MAPK10: variants seen among roughly 807,000 people sequenced by gnomAD.
MAPK10 encodes mitogen-activated protein kinase 10, also known as JNK3 alpha protein kinase.
MAPK10 carries 25 observed loss-of-function variants against 59.3 expected under a neutral mutation model. The observed-to-expected ratio is 0.42, with a 90% CI of 0.31 to 0.59. MAPK10 has a LOEUF of 0.59. Ranked by LOEUF, MAPK10 falls within the 20% of genes least tolerant of loss-of-function variation. The pLI is 0.15. For missense variants in MAPK10, 351 were observed against 568.9 expected (o/e 0.62, Z 3.90); for synonymous variants, 190 against 200.5 (o/e 0.95, Z 0.44).
At chr4:86,239,025 A>G (rs1206983469) in intron 2 of MAPK10, among the ~76,000 whole-genome samples, 1 of 152,122 alleles carries the variant, frequency 6.6e-6, no homozygotes, top group African/African-American at 2.4e-5. Flanking sequence ...TGTTCCATAG[A>G]TATCTAGTTT....
chr4:86,070,136 A>G (rs942926314), intron 9 of MAPK10, among the ~76,000 whole-genome samples: 3 of 152,208 alleles, frequency 2.0e-5, no homozygotes, highest in African/African-American at 7.2e-5. Context: ...ATCATTGTCA[A>G]TGAAATAGTT....
intron 4 of MAPK10, chr4:86,152,729 G>T: frequency 6.6e-6 from 1 of 152,158 alleles, no homozygotes; most frequent in Non-Finnish European, 1.5e-5. Context: ...GCTCCTCTAA[G>T]CCTTGGTATT....
At chr4:86,565,271 C>A (rs1760980446) in intron 1 of MAPK10, among the ~76,000 whole-genome samples, 1 of 152,150 alleles carries the variant, frequency 6.6e-6, no homozygotes, top group Non-Finnish European at 1.5e-5. Context: ...TCCTCATTTC[C>A]TACTTTGCTC....
chr4:86,465,272 G>T (rs1434467825), intron 1 of MAPK10, among the ~76,000 whole-genome samples: 1 of 152,128 alleles, frequency 6.6e-6, no homozygotes, highest in East Asian at 1.9e-4. Context: ...TGGTGGTGAT[G>T]GGCATTCCAG....
At chr4:86,478,283 G>C (rs1489004078) in intron 1 of MAPK10, among the ~76,000 whole-genome samples, 3 of 152,242 alleles carry the variant, frequency 2.0e-5, no homozygotes, top group African/African-American at 4.8e-5. Flanking sequence ...CCCCACCCTA[G>C]CTTTCCCTGA....
chr4:86,234,557 AAAAT>A (rs1316875369), intron 2 of MAPK10, among the ~76,000 whole-genome samples: 1 of 152,116 alleles, frequency 6.6e-6, no homozygotes, highest in East Asian at 1.9e-4. Flanking sequence ...ATACTATATT[AAAAT>A]AAATGTCTTA....
chr4:86,048,755 G>T (rs1194513115), intron 11 of MAPK10, among the ~76,000 whole-genome samples: 1 of 152,028 alleles, frequency 6.6e-6, no homozygotes, highest in Non-Finnish European at 1.5e-5. Flanking sequence ...AAGGAAAATT[G>T]ATTTGAGTAT....
At chr4:86,130,804 T>C (rs1460692917) in intron 4 of MAPK10, among the ~76,000 whole-genome samples, 1 of 152,016 alleles carries the variant, frequency 6.6e-6, no homozygotes, top group African/African-American at 2.4e-5. Context: ...AGGAATGAAA[T>C]TGTCACTTAG....
intron 2 of MAPK10, among the ~76,000 whole-genome samples, chr4:86,208,443 G>A (rs376721340): frequency 0.032 from 4,481 of 139,408 alleles, 198 homozygotes; most frequent in African/African-American, 0.093. Flanking sequence ...ATATACGCAA[G>A]TCAATAAATG....
intron 11 of MAPK10, among the ~76,000 whole-genome samples, chr4:86,039,205 C>T (rs113822085): frequency 6.6e-6 from 1 of 152,136 alleles, no homozygotes; most frequent in African/African-American, 2.4e-5. Context: ...AATACCTTCA[C>T]AAAAGTGAAG....
At chr4:86,497,870 G>A (rs1371646117) in intron 1 of MAPK10, among the ~76,000 whole-genome samples, 1 of 152,184 alleles carries the variant, frequency 6.6e-6, no homozygotes, top group African/African-American at 2.4e-5. Context: ...ATTAGGAGCA[G>A]GGTTGATTAG....
At chr4:86,389,181 G>A (rs1579028926) in intron 1 of MAPK10, among the ~76,000 whole-genome samples, 1 of 151,914 alleles carries the variant, frequency 6.6e-6, no homozygotes, top group African/African-American at 2.4e-5. Context: ...CCACCCTCTT[G>A]CTCCTGCCCT....
chr4:86,229,935 C>A (rs2091292015), intron 2 of MAPK10, among the ~76,000 whole-genome samples: 1 of 152,070 alleles, frequency 6.6e-6, no homozygotes, highest in African/African-American at 2.4e-5. Flanking sequence ...TTGGAATGCA[C>A]CTGTGGTTCC....
chr4:86,078,978 A>T (rs1488935225), intron 9 of MAPK10, among the ~76,000 whole-genome samples: 1 of 152,090 alleles, frequency 6.6e-6, no homozygotes, highest in Non-Finnish European at 1.5e-5. Context: ...AACGAGAGTG[A>T]AACTTTGTCC....
chr4:86,506,926 C>T (rs2149081710), intron 1 of MAPK10, among the ~76,000 whole-genome samples: 1 of 151,996 alleles, frequency 6.6e-6, no homozygotes. Context: ...AAGGCTCTGC[C>T]CACACTAATA....
rs575185457 is a variant in MAPK10 at position 86,408,387 on chromosome 4, A to G, written c.-122+44643T>C. 1.1e-4 allele frequency among the ~76,000 whole-genome samples: 16 copies of G among 152,328 alleles called. No homozygotes were observed. In the South Asian group the frequency reaches 3.1e-3, roughly 30 times the overall value. On this transcript the variant is annotated intron_variant, in intron 1 of 13. Transcript: ENST00000361569. Reference sequence around the variant, plus strand: ...CATGTGCACATGTCTTTATAGTAGCATGATTAAAAATCCTTTGGGTATATA... The same window carrying G: ...CATGTGCACATGTCTTTATAGTAGCGTGATTAAAAATCCTTTGGGTATATA...
chr4:86,048,380 T>C (rs952991851), intron 11 of MAPK10, among the ~76,000 whole-genome samples: 3 of 152,124 alleles, frequency 2.0e-5, no homozygotes, highest in East Asian at 1.9e-4. Context: ...GTAGCTTTTG[T>C]TGCAAGCCTT....
At chr4:86,402,940 C>T (rs963556896) in intron 1 of MAPK10, among the ~76,000 whole-genome samples, 1 of 152,112 alleles carries the variant, frequency 6.6e-6, no homozygotes, top group Non-Finnish European at 1.5e-5. Flanking sequence ...TGGTAATCTG[C>T]ACTCCCTATA....
At chr4:86,341,422 C>A (rs184049840) in intron 2 of MAPK10, among the ~76,000 whole-genome samples, 1 of 152,188 alleles carries the variant, frequency 6.6e-6, no homozygotes. Context: ...TGATATAGAT[C>A]TTGAGAAAAG....
Sources: gnomAD v4.1 joint callset for allele counts (sites outside exome capture counted in the v4.1 genomes callset) on GRCh38, gnomAD v4.1.1 for gene constraint, MANE v1.5 for transcripts, NCBI Gene and HGNC (gene_info 2026-07-23, HGNC 2026-07-21) for gene names.